The following SNAPC4 variants were observed in gnomAD, a reference collection of about 807,000 sequenced individuals.
SNAPC4 encodes the protein small nuclear RNA activating complex polypeptide 4.
A neutral mutation model predicts 151.3 loss-of-function variants in SNAPC4; 127 were observed. The ratio of observed to expected loss-of-function variants is 0.84; its 90% confidence interval spans 0.73 to 0.97. The LOEUF (loss-of-function observed/expected upper bound fraction) is 0.97. Ranked by LOEUF, SNAPC4 falls within the 50% of genes least tolerant of loss-of-function variation. The probability of loss-of-function intolerance (pLI) is 0.00; values close to 1 mark genes in which losing one functional copy is unlikely to be tolerated. For missense variants in SNAPC4, 2,186 were observed against 1,935.0 expected, an observed-to-expected ratio of 1.13 and a Z score of -2.43; for synonymous variants, 1,002 against 824.4, an observed-to-expected ratio of 1.22 and a Z score of -3.69.
Position 136,387,429 on chromosome 9 carries a change from G to A in SNAPC4, c.1325+56C>T, listed in dbSNP as rs1270134169. 4 of 1,212,788 alleles carry A rather than the reference G, an allele frequency of 3.3e-6. No individual in the cohort carries two copies. The East Asian group carries it at 9.3e-5, about 28-fold the overall frequency. The allele number at this position is 1,212,788 out of a possible 1,614,324, so 75.1% of individuals were successfully genotyped here. On this transcript the variant is annotated intron_variant, in intron 13 of 23. Transcript: ENST00000684778. ...GCCCGCCCACAGCCCACACCAGAGT[G>A]CACCTGGTCAGTGACCCACACGGGC...
chr9:136,388,502 G>A lies in SNAPC4; in HGVS notation c.1065C>T (p.Arg355=). 6.2e-7 allele frequency: 1 copy of A among 1,613,722 alleles called. No homozygotes were observed. Among genetic ancestry groups the A allele is most frequent in the South Asian group, 1.1e-5 (1 of 91,006 alleles). ...KRKEWTEEED[R]MLTQLVQEMR... ...TCTCCTGCACCAGCTGCGTGAGCAT[G>A]CGGTCCTCCTCCTCTGTCCACTCCT... Residue 355 remains arginine, a synonymous_variant, in exon 11 of 24, where the codon CGC becomes CGT. Coordinates refer to ENST00000684778, the MANE Select transcript of SNAPC4 (RefSeq NM_003086.4).
Position 136,394,242 on chromosome 9 carries a change from G to A in SNAPC4, c.632+7C>T, listed in dbSNP as rs779292988. 3 of 1,580,704 alleles carry A rather than the reference G, an allele frequency of 1.9e-6. No individual in the cohort carries two copies. The highest frequency in any genetic ancestry group is 2.6e-6 in the Non-Finnish European group (3 of 1,149,638). Reference sequence around the variant, plus strand: ...AGACCGTTTTTGACTTATGGTTTTAGACTTACTTCAGTAACTTGGGCTGAA... The same window carrying A: ...AGACCGTTTTTGACTTATGGTTTTAAACTTACTTCAGTAACTTGGGCTGAA... On this transcript the variant is annotated splice_region_variant and intron_variant, in intron 7 of 23. Coordinates refer to ENST00000684778, the MANE Select transcript of SNAPC4 (RefSeq NM_003086.4).
At chr9:136,384,176 G>T (rs907124329) in intron 14 of SNAPC4, 144 bp from the exon 15 acceptor site, 1 of 644,822 alleles carries the variant, frequency 1.6e-6, no homozygotes. Context: ...AGCATGTTGG[G>T]TGCCTACAAT....
intron 13 of SNAPC4, among the ~76,000 whole-genome samples, chr9:136,386,457 A>G (rs1361719635): frequency 1.4e-5 from 2 of 138,648 alleles, no homozygotes; most frequent in Non-Finnish European, 3.1e-5. Flanking sequence ...TTTTTTTGAG[A>G]CGGAGTTTCA....
chr9:136,392,417 C>T (rs1294239707), intron 9 of SNAPC4, 105 bp downstream of exon 9: 2 of 1,154,766 alleles, frequency 1.7e-6, no homozygotes, highest in East Asian at 2.3e-5. Context: ...ACAGCAGAAC[C>T]TGTTGCCAGG....
rs1413002095 is a variant in SNAPC4, at chr9:136,383,287, C to A, written c.1882G>T (p.Val628Leu). 3 of 1,612,088 alleles carry A rather than the reference C, an allele frequency of 1.9e-6. No individual in the cohort carries two copies. The highest frequency in any genetic ancestry group is 2.5e-6 in the Non-Finnish European group (3 of 1,179,720). The change falls in exon 16 of 24, where the codon GTG becomes TTG. Residue 628 changes from valine to leucine, a missense_variant. By Grantham distance (32) the Val-to-Leu change is conservative. Coordinates refer to ENST00000684778, the MANE Select transcript of SNAPC4 (RefSeq NM_003086.4). This position sits in a 1 kb window ranked among gnomAD's most constrained non-coding sequence, Gnocchi z 4.2. ...CCGTGGGCCCTGGCAGGGACCTGCA[C>A]CGGACTCGTCTCCTCTCCAGGAGCC... Reference protein sequence around the residue: ...AAAPGEETSPVQVPARAHGPV... With the variant: ...AAAPGEETSPLQVPARAHGPV...
At position 136,377,877 on chromosome 9, in the gene SNAPC4, A is replaced by AGACCGGACAGAGCTCGCAGGCTGCACAGG; in HGVS notation, c.3921_3949dup (p.Leu1317ProfsTer100). The AGACCGGACAGAGCTCGCAGGCTGCACAGG allele has an allele frequency of 6.2e-7, 1 of 1,611,472 alleles. No individual in the cohort carries two copies. Among genetic ancestry groups the AGACCGGACAGAGCTCGCAGGCTGCACAGG allele is most frequent in the Non-Finnish European group, 8.5e-7 (1 of 1,179,806 alleles). ...CTCCAGGGCCTTCTTGTGGAGTAGG[A>AGACCGGACAGAGCTCGCAGGCTGCACAGG]GACCGGACAGAGCTCGCAGGCTGCA... On this transcript the variant is annotated frameshift_variant, in exon 22 of 24. Coordinates refer to ENST00000684778, the MANE Select transcript of SNAPC4 (RefSeq NM_003086.4). LOFTEE classifies it high-confidence loss of function.
At chr9:136,388,251 G>C (rs1588755863) in intron 11 of SNAPC4, among the ~76,000 whole-genome samples, 193 bp downstream of exon 11, 2 of 143,130 alleles carry the variant, frequency 1.4e-5, no homozygotes, top group East Asian at 4.0e-4. Context: ...TGGGCAACAA[G>C]AGTGAAACTC....
At chr9:136,399,072 G>C (rs143133367) in intron 1 of SNAPC4, among the ~76,000 whole-genome samples, 1 of 152,338 alleles carries the variant, frequency 6.6e-6, no homozygotes, top group Admixed American at 6.5e-5. Flanking sequence ...TTTTTCTTAG[G>C]AACTGTGGTC....
chr9:136,398,736 C>G (rs894991299), intron 1 of SNAPC4: 17 of 285,544 alleles, frequency 6.0e-5, no homozygotes, highest in African/African-American at 3.6e-4. Context: ...ACAGGCCCCA[C>G]TGTCCCGTCT....
At chr9:136,396,831 C>G in intron 3 of SNAPC4, 146 bp downstream of exon 3, 1 of 733,046 alleles carries the variant, frequency 1.4e-6, no homozygotes. Flanking sequence ...ATGACAAATG[C>G]TTTTTAATTT....
At position 136,381,323 on chromosome 9, in the gene SNAPC4, T is replaced by TGGGTAAACA. The variant is rs1433614700; in HGVS notation, c.2378_2386dup (p.Leu793_Thr795dup). 2 of 1,611,534 alleles carry TGGGTAAACA rather than the reference T, an allele frequency of 1.2e-6. No individual in the cohort carries two copies. Among genetic ancestry groups the TGGGTAAACA allele is most frequent in the Non-Finnish European group, 1.7e-6 (2 of 1,178,846 alleles). ...CGAAGCTCTGCCCAAGTAGCTTACCTGGGTAAACAGGGTAAACACAGGGGT... is the reference window on the plus strand; with the variant it reads ...CGAAGCTCTGCCCAAGTAGCTTACCTGGGTAAACAGGGTAAACAGGGTAAACACAGGGGT... On this transcript the variant is annotated inframe_insertion and splice_region_variant, in exon 19 of 24. Coordinates refer to ENST00000684778, the MANE Select transcript of SNAPC4 (RefSeq NM_003086.4).
chr9:136,392,419 G>A (rs935724910), intron 9 of SNAPC4, 103 bp downstream of exon 9: 1 of 1,173,612 alleles, frequency 8.5e-7, no homozygotes. Context: ...AGCAGAACCT[G>A]TTGCCAGGGA....
Position 136,378,013 on chromosome 9 carries a change from C to G in SNAPC4, c.3814G>C (p.Gly1272Arg), listed in dbSNP as rs776021251. 1 of 1,594,796 alleles carries G rather than the reference C, an allele frequency of 6.3e-7. No homozygotes were observed. Among genetic ancestry groups the G allele is most frequent in the Admixed American group, 1.7e-5 (1 of 57,768 alleles). The change falls in exon 22 of 24, where the codon GGC (glycine) becomes CGC (arginine). Residue 1272 changes from glycine (G) to arginine (R), a missense_variant. By Grantham distance (125) the Gly-to-Arg change is moderately radical (BLOSUM62 -2). Coordinates refer to ENST00000684778, the MANE Select transcript of SNAPC4 (RefSeq NM_003086.4). ...GCCTCGCCCTCCTGGGACAGCAGGC[C>G]CAGGTCCAGGGCCCCCTTCTCAGGC... ...PGPEKGALDLGLLSQEGEAAT... is the reference protein window; with the variant it reads ...PGPEKGALDLRLLSQEGEAAT...
chr9:136,392,110 C>T lies in SNAPC4; in HGVS notation c.811-4G>A, dbSNP rs1405109858. On this transcript the variant is annotated splice_polypyrimidine_tract_variant and splice_region_variant and intron_variant, in intron 9 of 23. Transcript: ENST00000684778. Reference sequence around the variant, plus strand: ...CTGCACTGCGGCTGCCTTCAAACTGCACCGACAGAGACACTCAGCCTTGCA... The same window carrying T: ...CTGCACTGCGGCTGCCTTCAAACTGTACCGACAGAGACACTCAGCCTTGCA... 4 of 1,611,518 alleles carry T rather than the reference C, an allele frequency of 2.5e-6. No homozygotes were observed.
At position 136,394,641 on chromosome 9, in the gene SNAPC4, G is replaced by A. The variant is rs142913038; in HGVS notation, c.550+159C>T. ...GGAAAGGACCTGCTCAGTGTGGAAA[G>A]GCAGGAGTCAAGGGGCCAGTCCCAG... On this transcript the variant is annotated intron_variant, in intron 6 of 23. Transcript: ENST00000684778. Among the ~76,000 whole-genome samples the A allele has an allele frequency of 1.7e-3, 253 of 152,342 alleles. 1 individual carries two copies. Among genetic ancestry groups the A allele is most frequent in the African/African-American group, 5.3e-3 (222 of 41,570 alleles).
intron 11 of SNAPC4, 82 bp from the exon 12 acceptor site, chr9:136,387,930 C>T: frequency 1.2e-6 from 1 of 832,154 alleles, no homozygotes. Context: ...CAACAGGGTC[C>T]CGTGGGGCCG....
chr9:136,396,818 T>C (rs928210713), intron 3 of SNAPC4, among the ~76,000 whole-genome samples, 159 bp downstream of exon 3: 7 of 152,224 alleles, frequency 4.6e-5, no homozygotes, highest in African/African-American at 1.7e-4. Flanking sequence ...GGGGACAATT[T>C]CAATGACAAA....
Position 136,378,969 on chromosome 9 carries a change from G to A in SNAPC4, c.2858C>T (p.Ser953Phe). Residue 953 changes from serine (S) to phenylalanine (F), a missense_variant, in exon 22 of 24, where the codon TCT becomes TTT. Physicochemically the swap from Ser to Phe is radical, Grantham distance 155. Transcript: ENST00000684778. ...PGPTVLNVPLSGPGAPAAAKP... is the reference protein window; with the variant it reads ...PGPTVLNVPLFGPGAPAAAKP... ...GGCTGCCGCGGGGGCCCCAGGCCCAGAGAGCGGTACATTTAAGACGGTGGG... is the reference window on the plus strand; with the variant it reads ...GGCTGCCGCGGGGGCCCCAGGCCCAAAGAGCGGTACATTTAAGACGGTGGG... The A allele has an allele frequency of 6.2e-7, 1 of 1,608,934 alleles. No homozygotes were observed. The highest frequency in any genetic ancestry group is 8.5e-7 in the Non-Finnish European group (1 of 1,178,694).
Sources: allele counts gnomAD v4.1 joint callset (sites outside exome capture counted in the v4.1 genomes callset), GRCh38; gene constraint gnomAD v4.1.1; non-coding constraint Gnocchi (gnomAD v3.1); transcripts MANE v1.5; gene names NCBI Gene and HGNC (gene_info 2026-07-23, HGNC 2026-07-21).